ZNF99: variants seen among roughly 807,000 people sequenced by gnomAD.
The protein encoded by ZNF99 is zinc finger protein 99.
A neutral mutation model predicts 12.8 loss-of-function variants in ZNF99; 8 were observed. The observed-to-expected ratio is 0.62, with a 90% CI of 0.37 to 1.13. The LOEUF is 1.13. Ranked by LOEUF, ZNF99 falls within the 50% of genes most tolerant of loss-of-function variation. ZNF99 has a pLI of 0.02. For synonymous variants in ZNF99, 318 were observed against 319.0 expected (o/e 1.00, Z 0.03); for missense variants, 1,007 against 1,006.2 (o/e 1.00, Z -0.01).
chr19:22,781,283 C>G (rs906434260), intron 1 of ZNF99, among the ~76,000 whole-genome samples: 3 of 151,982 alleles, frequency 2.0e-5, no homozygotes, highest in Non-Finnish European at 4.4e-5. Context: ...AAGAGATTCT[C>G]CCACCCCATT....
In ZNF99 at chr19:22,783,381, C is replaced by A. The variant is rs938728973; in HGVS notation, c.3+633G>T. On this transcript the variant is annotated intron_variant, in intron 1 of 3. Transcript: ENST00000596209. ...TTCAGGCTTAACCAACTATAAACTA[C>A]AATTAACCTCTGATTATATAAACGG... 6.6e-5 allele frequency among the ~76,000 whole-genome samples: 10 copies of A among 152,094 alleles called. No homozygotes were observed. The East Asian group carries it at 1.9e-3, about 29-fold the overall frequency.
intron 1 of ZNF99, among the ~76,000 whole-genome samples, chr19:22,775,080 C>T (rs1599448755): frequency 6.6e-6 from 1 of 152,166 alleles, no homozygotes; most frequent in East Asian, 1.9e-4. Context: ...TCATATGGAA[C>T]CATAAAAGAG....
intron 1 of ZNF99, among the ~76,000 whole-genome samples, chr19:22,776,394 T>G (rs941094497): frequency 1.0e-5 from 1 of 100,196 alleles, no homozygotes; most frequent in Non-Finnish European, 1.9e-5. Context: ...ATGAGCAAAC[T>G]TTTTCCAAAA....
intron 1 of ZNF99, among the ~76,000 whole-genome samples, chr19:22,771,669 T>C (rs551254075): frequency 2.7e-5 from 4 of 150,224 alleles, no homozygotes; most frequent in Non-Finnish European, 5.9e-5. Context: ...CCAATAGGAA[T>C]CTTGAGTATC....
At chr19:22,760,415 C>A (rs182999743) in intron 3 of ZNF99, among the ~76,000 whole-genome samples, 73 of 152,256 alleles carry the variant, frequency 4.8e-4, no homozygotes, top group African/African-American at 1.6e-3. Flanking sequence ...TTTCTCATGA[C>A]ACAAAGTACT....
chr19:22,758,182 T>A lies in ZNF99; in HGVS notation c.1727A>T (p.Gln576Leu). The change falls in exon 4 of 4, where the codon CAA becomes CTA. Residue 576 changes from glutamine (Q) to leucine (L), a missense_variant. Transcript: ENST00000596209. ...TTTATGTCTAGTAAGATGTGAAGATTGCTTAAAAGCTTTGCCACATTCTTC... is the reference window on the plus strand; with the variant it reads ...TTTATGTCTAGTAAGATGTGAAGATAGCTTAAAAGCTTTGCCACATTCTTC... ...KCEECGKAFK[Q>L]SSHLTRHKAI... is the part of the protein sequence containing the mutation. 1 of 1,613,552 alleles carries A rather than the reference T, an allele frequency of 6.2e-7. No homozygotes were observed. The highest frequency in any genetic ancestry group is 8.5e-7 in the Non-Finnish European group (1 of 1,179,688).
chr19:22,758,573 T>A lies in ZNF99; in HGVS notation c.1336A>T (p.Ile446Phe). The A allele has an allele frequency of 6.2e-7, 1 of 1,613,368 alleles. No individual in the cohort carries two copies. The stretch of plus-strand genomic sequence containing the variant: ...TTGTAGGGTTGCTTTCCAGTATGAA[T>A]TATCTTATGTTTTCTAAGGGCTGAG... Reference protein sequence around the residue: ...RFSALRKHKIIHTGKQPYKCE... With the variant: ...RFSALRKHKIFHTGKQPYKCE... The change falls in exon 4 of 4, where the codon ATT (isoleucine) becomes TTT (phenylalanine). Residue 446 changes from isoleucine to phenylalanine, a missense_variant. Coordinates refer to ENST00000596209, the MANE Select transcript of ZNF99 (RefSeq NM_001080409.3).
At chr19:22,776,461 ATATG>A in intron 1 of ZNF99, among the ~76,000 whole-genome samples, 3 of 102,462 alleles carry the variant, frequency 2.9e-5, no homozygotes, top group Non-Finnish European at 6.1e-5. Flanking sequence ...ATATATATAT[ATATG>A]GCTAACAAGC....
At chr19:22,769,999 C>T in intron 1 of ZNF99, 2 of 1,352,388 alleles carry the variant, frequency 1.5e-6, no homozygotes, top group Non-Finnish European at 2.0e-6. Flanking sequence ...TTAGAAGACA[C>T]CTCTCAAATT....
chr19:22,782,659 GCC>G (rs1973401311), intron 1 of ZNF99, among the ~76,000 whole-genome samples: 2 of 113,620 alleles, frequency 1.8e-5, no homozygotes, highest in African/African-American at 7.4e-5. Context: ...ACCGCACCTG[GCC>G]TTTTTTTTTT....
chr19:22,759,386 A>C lies in ZNF99; in HGVS notation c.523T>G (p.Cys175Gly). 6.4e-7 allele frequency: 1 copy of C among 1,559,948 alleles called. No homozygotes were observed. The highest frequency in any genetic ancestry group is 8.7e-7 in the Non-Finnish European group (1 of 1,151,968). The change falls in exon 4 of 4, where the codon TGT (cysteine) becomes GGT (glycine). Residue 175 changes from cysteine (C) to glycine (G), a missense_variant. Transcript: ENST00000596209. ...AAAAATGATTTGCTACATTTCATAC[A>C]TTTGAAAGTTTTCTTTTTAGTGTGT... is the stretch of plus-strand genomic sequence containing the variant. ...IRHTKKKTFKCMKCSKSFFML... is the reference protein window; with the variant it reads ...IRHTKKKTFKGMKCSKSFFML...
In ZNF99 at chr19:22,759,337, T is replaced by C. The variant is rs1973123758; in HGVS notation, c.572A>G (p.His191Arg). ...SFFMLSHLIQHKRIHTRENIY... is the reference protein window; with the variant it reads ...SFFMLSHLIQRKRIHTRENIY... ...ATTCTCTCTAGTATGAATTCTCTTA[T>C]GTTGAATTAAGTGTGAAAGCATGAA... Residue 191 changes from histidine (H) to arginine (R), a missense_variant, in exon 4 of 4, where the codon CAT becomes CGT. Physicochemically the swap from His to Arg is conservative, Grantham distance 29. Coordinates refer to ENST00000596209, the MANE Select transcript of ZNF99 (RefSeq NM_001080409.3). 3 of 1,549,460 alleles carry C rather than the reference T, an allele frequency of 1.9e-6. No homozygotes were observed. Among genetic ancestry groups the C allele is most frequent in the East Asian group, 4.9e-5 (2 of 41,030 alleles).
At position 22,756,126 on chromosome 19, in the gene ZNF99, G is replaced by A. The variant is rs112530641; in HGVS notation, c.*1188C>T. 24 of 1,481,546 alleles carry A rather than the reference G, an allele frequency of 1.6e-5. No individual in the cohort carries two copies. Among genetic ancestry groups the A allele is most frequent in the Middle Eastern group, 3.8e-4 (2 of 5,332 alleles). The allele number at this position is 1,481,546 out of a possible 1,614,324, so 91.8% of individuals were successfully genotyped here. A position where few individuals can be genotyped will look rare whatever the true frequency, so the allele number is the denominator to read the frequency against. ...TTGCCACATTCTTCACATATGGAGGGTCTGTCTCTAGTATAAATTATCTTA... is the reference window on the plus strand; with the variant it reads ...TTGCCACATTCTTCACATATGGAGGATCTGTCTCTAGTATAAATTATCTTA... On this transcript the variant is annotated 3_prime_UTR_variant, in exon 4 of 4. Coordinates refer to ENST00000596209, the MANE Select transcript of ZNF99 (RefSeq NM_001080409.3).
chr19:22,761,292 C>G (rs1973148656), intron 3 of ZNF99, among the ~76,000 whole-genome samples: 1 of 152,028 alleles, frequency 6.6e-6, no homozygotes, highest in Admixed American at 6.6e-5. Flanking sequence ...TTCACCTAAG[C>G]CAGAGAATCC....
intron 1 of ZNF99, among the ~76,000 whole-genome samples, chr19:22,769,545 A>T (rs1973242765): frequency 6.6e-6 from 1 of 152,174 alleles, no homozygotes; most frequent in Admixed American, 6.5e-5. Context: ...AGGCAGGAAG[A>T]TCACGAAGTC....
chr19:22,762,465 A>G (rs186246593), intron 3 of ZNF99, among the ~76,000 whole-genome samples: 74 of 152,202 alleles, frequency 4.9e-4, no homozygotes, highest in Middle Eastern at 3.4e-3. Flanking sequence ...GAACAGACCA[A>G]TAATGAGCAG....
Position 22,758,007 on chromosome 19 carries a change from T to G in ZNF99, c.1902A>C (p.Ser634=), listed in dbSNP as rs776716341. 7.4e-6 allele frequency: 12 copies of G among 1,611,902 alleles called. No individual in the cohort carries two copies. The highest frequency in any genetic ancestry group is 9.3e-6 in the Non-Finnish European group (11 of 1,178,636). The change falls in exon 4 of 4, where the codon TCA becomes TCC. Residue 634 remains serine, a synonymous_variant. Coordinates refer to ENST00000596209, the MANE Select transcript of ZNF99 (RefSeq NM_001080409.3). ...GAATTATCTCATGTTTTCTAAGGGT[T>G]GAGGACTGGCTAAAAGCTTTGCCAC... ...EECGKAFSQS[S]TLRKHEIIHT... is the part of the protein sequence containing the mutation.
intron 3 of ZNF99, among the ~76,000 whole-genome samples, chr19:22,765,208 T>G (rs1197855077): frequency 6.6e-6 from 1 of 152,170 alleles, no homozygotes; most frequent in African/African-American, 2.4e-5. Context: ...TTAGAGGCTA[T>G]CCTTCTAAGT....
rs1973126162 is a variant in ZNF99, at chr19:22,759,487, T to C, written c.422A>G (p.Gln141Arg). ...TTTGTTACACTGAAATATTTTTCCCTGGGTAGTTGTCCAACATTGGTTAAG... is the reference window on the plus strand; with the variant it reads ...TTTGTTACACTGAAATATTTTTCCCCGGGTAGTTGTCCAACATTGGTTAAG... ...NKLNQCWTTT[Q>R]GKIFQCNKYV... is the part of the protein sequence containing the mutation. Residue 141 changes from glutamine (Q) to arginine (R), a missense_variant, in exon 4 of 4, where the codon CAG becomes CGG. Gln to Arg is a conservative substitution (Grantham distance 43). Transcript: ENST00000596209. The C allele has an allele frequency of 1.2e-6, 2 of 1,606,428 alleles. No homozygotes were observed. The highest frequency in any genetic ancestry group is 1.7e-6 in the Non-Finnish European group (2 of 1,177,456).
Sources: gnomAD v4.1 joint callset for allele counts (sites outside exome capture counted in the v4.1 genomes callset) on GRCh38, gnomAD v4.1.1 for gene constraint, MANE v1.5 for transcripts, NCBI Gene and HGNC (gene_info 2026-07-23, HGNC 2026-07-21) for gene names.